SMIM31: variants seen among roughly 807,000 people sequenced by gnomAD.
The protein encoded by SMIM31 is human epithelial cell program regulator.
chr4:164,767,398 T>A (rs1045799025), intron 1 of SMIM31, among the ~76,000 whole-genome samples: 26 of 152,244 alleles, frequency 1.7e-4, no homozygotes, highest in East Asian at 1.9e-4. Context: ...GTTACGTTAA[T>A]TTTTATCATA....
chr4:164,786,011 A>C (rs6835124), intron 2 of SMIM31, among the ~76,000 whole-genome samples: 93,099 of 151,954 alleles, frequency 0.61, 29,625 homozygotes, highest in African/African-American at 0.79. Flanking sequence ...GGTTTCCTAT[A>C]GGAAATGACC....
rs1481304558 is a variant in SMIM31, at chr4:164,801,455, G to A, written c.*261G>A. The A allele has an allele frequency of 7.1e-6, 2 of 279,984 alleles. No homozygotes were observed. The highest frequency in any genetic ancestry group is 5.8e-5 in the East Asian group (1 of 17,364). The allele number at this position is 279,984 out of a possible 1,614,324, so 17.3% of individuals were successfully genotyped here. On this transcript the variant is annotated 3_prime_UTR_variant, in exon 3 of 3. Transcript: ENST00000507311. ...ATTATACAAAAAAAAAAAGACCAAAGTGGTTACAATAATAAAATAGAACAC... is the reference window on the plus strand; with the variant it reads ...ATTATACAAAAAAAAAAAGACCAAAATGGTTACAATAATAAAATAGAACAC...
In SMIM31 at chr4:164,771,575, G is replaced by A. The variant is rs1579064610; in HGVS notation, c.112+1020G>A. 2.0e-5 allele frequency among the ~76,000 whole-genome samples: 3 copies of A among 152,052 alleles called. No homozygotes were observed. The South Asian group carries it at 6.3e-4, about 32-fold the overall frequency. On this transcript the variant is annotated intron_variant, in intron 2 of 2. Transcript: ENST00000507311. ...CCAGCACTTTGGGAGGCCGAGGCAG[G>A]CGGATCACGAGGTCAGGAGATCAAG...
intron 2 of SMIM31, among the ~76,000 whole-genome samples, chr4:164,779,051 T>C (rs945438019): frequency 4.6e-5 from 7 of 152,134 alleles, no homozygotes; most frequent in Non-Finnish European, 7.3e-5. Flanking sequence ...AGGGTTTCTT[T>C]AACTACCTTA....
At chr4:164,763,939 T>C (rs1235880496) in intron 1 of SMIM31, among the ~76,000 whole-genome samples, 1 of 152,146 alleles carries the variant, frequency 6.6e-6, no homozygotes, top group Non-Finnish European at 1.5e-5. Context: ...AAACATTCTG[T>C]GAGATAAGAA....
At chr4:164,783,246 G>A (rs1249113035) in intron 2 of SMIM31, among the ~76,000 whole-genome samples, 2 of 132,716 alleles carry the variant, frequency 1.5e-5, no homozygotes, top group African/African-American at 2.8e-5. Context: ...ATTTCTGGCC[G>A]GGTGCTGTGG....
chr4:164,758,671 TC>T (rs1410175912), intron 1 of SMIM31, among the ~76,000 whole-genome samples: 17 of 142,878 alleles, frequency 1.2e-4, no homozygotes, highest in Non-Finnish European at 2.1e-4. Context: ...TCTCGCTCTG[TC>T]CCCCAGGCTA....
At chr4:164,767,839 T>A (rs1732739639) in intron 1 of SMIM31, among the ~76,000 whole-genome samples, 1 of 152,190 alleles carries the variant, frequency 6.6e-6, no homozygotes, top group Non-Finnish European at 1.5e-5. Flanking sequence ...ATTATCCCAC[T>A]ATGTCTTTTC....
chr4:164,772,679 C>G (rs1392135187), intron 2 of SMIM31, among the ~76,000 whole-genome samples: 4 of 151,426 alleles, frequency 2.6e-5, no homozygotes, highest in Admixed American at 6.6e-5. Flanking sequence ...CCCGGGTTCA[C>G]GCCATTCTCC....
rs898577888 is a variant in SMIM31 at position 164,780,287 on chromosome 4, C to T, written c.112+9732C>T. Among the ~76,000 whole-genome samples the T allele has an allele frequency of 1.1e-4, 16 of 152,206 alleles. No homozygotes were observed. In the East Asian group the frequency reaches 1.4e-3, roughly 13 times the overall value. On this transcript the variant is annotated intron_variant, in intron 2 of 2. Coordinates refer to ENST00000507311, the MANE Select transcript of SMIM31 (RefSeq NM_001352885.1). ...CTAAAAATACAAAAAATTAGCCAGG[C>T]GTGGTGGCGCATGCCTGTAGTCCCA...
intron 2 of SMIM31, among the ~76,000 whole-genome samples, chr4:164,776,895 TTAA>T (rs1428516316): frequency 6.6e-6 from 1 of 152,224 alleles, no homozygotes; most frequent in Non-Finnish European, 1.5e-5. Flanking sequence ...TTTATCTATA[TTAA>T]TAATTTAATC....
chr4:164,775,362 T>C (rs1732865618), intron 2 of SMIM31, among the ~76,000 whole-genome samples: 1 of 152,228 alleles, frequency 6.6e-6, no homozygotes. Context: ...GTTCTTTGTC[T>C]CATGAATGAT....
intron 2 of SMIM31, among the ~76,000 whole-genome samples, chr4:164,789,106 G>A (rs1733067738): frequency 6.6e-6 from 1 of 152,128 alleles, no homozygotes; most frequent in Admixed American, 6.5e-5. Context: ...ACTATTGTTG[G>A]ATATTTTTCC....
chr4:164,793,834 A>G (rs1733139748), intron 2 of SMIM31, among the ~76,000 whole-genome samples: 1 of 152,136 alleles, frequency 6.6e-6, no homozygotes, highest in Non-Finnish European at 1.5e-5. Flanking sequence ...ATAACACATC[A>G]TATATATAAA....
chr4:164,788,852 C>G (rs1733064196), intron 2 of SMIM31, among the ~76,000 whole-genome samples: 1 of 152,036 alleles, frequency 6.6e-6, no homozygotes, highest in Admixed American at 6.6e-5. Context: ...TATTTTATAT[C>G]TCCTTTAGAA....
rs1732664808 is a variant in SMIM31 at position 164,762,595 on chromosome 4, A to T, written c.-25-7824A>T. Among the ~76,000 whole-genome samples, 4 of 147,970 alleles carry T rather than the reference A, an allele frequency of 2.7e-5. No individual in the cohort carries two copies. The South Asian group carries it at 8.5e-4, about 32-fold the overall frequency. On this transcript the variant is annotated intron_variant, in intron 1 of 2. Coordinates refer to ENST00000507311, the MANE Select transcript of SMIM31 (RefSeq NM_001352885.1). ...TATATATATTTTGAACCCAGGAAGC[A>T]GAGGTTGCGGTGAACCAAGATCGCA...
intron 2 of SMIM31, among the ~76,000 whole-genome samples, chr4:164,790,677 G>A (rs1272169507): frequency 6.6e-6 from 1 of 151,942 alleles, no homozygotes; most frequent in African/African-American, 2.4e-5. Context: ...AATATTTAAG[G>A]TTAATATTTT....
chr4:164,800,530 A>T (rs1733269783), intron 2 of SMIM31, among the ~76,000 whole-genome samples: 1 of 152,118 alleles, frequency 6.6e-6, no homozygotes, highest in Non-Finnish European at 1.5e-5. Flanking sequence ...TTATTTCAGG[A>T]AATATTAACT....
intron 1 of SMIM31, among the ~76,000 whole-genome samples, chr4:164,758,626 TTTTG>T (rs1202726955): frequency 4.7e-5 from 6 of 126,366 alleles, no homozygotes; most frequent in East Asian, 2.2e-4. Context: ...GTTTTCCTTT[TTTTG>T]TTTTTTTTTT....
Sources: allele counts gnomAD v4.1 joint callset (sites outside exome capture counted in the v4.1 genomes callset), GRCh38; gene constraint gnomAD v4.1.1; transcripts MANE v1.5; gene names NCBI Gene and HGNC (gene_info 2026-07-23, HGNC 2026-07-21).